The following KIF13A variants were observed in gnomAD, a reference collection of about 807,000 sequenced individuals.
KIF13A encodes the protein kinesin family member 13A.
In KIF13A, 79 loss-of-function variants were observed where a neutral mutation model predicts 212.2. That is an observed-to-expected ratio of 0.37 (90% CI 0.31 to 0.45). The LOEUF (loss-of-function observed/expected upper bound fraction) is 0.45, where lower values mean the gene tolerates loss of function less well. KIF13A is among the 20% of genes least tolerant of loss of function. The pLI is 1.00. For missense variants in KIF13A, 1,901 were observed against 2,209.0 expected (o/e 0.86, Z 2.79); for synonymous variants, 789 against 808.6 (o/e 0.98, Z 0.41).
At chr6:17,824,240 GC>G (rs1005914531) in intron 16 of KIF13A, among the ~76,000 whole-genome samples, 2 of 151,954 alleles carry the variant, frequency 1.3e-5, no homozygotes, top group African/African-American at 4.8e-5. Context: ...AAAAAAAGAG[GC>G]CCCCTAGGCA....
At chr6:17,870,121 A>C (rs1040683089) in intron 4 of KIF13A, among the ~76,000 whole-genome samples, 3 of 152,248 alleles carry the variant, frequency 2.0e-5, no homozygotes, top group Non-Finnish European at 2.9e-5. Context: ...AGAGAATAGT[A>C]AGCATGAATT....
intron 2 of KIF13A, among the ~76,000 whole-genome samples, chr6:17,970,054 C>T (rs1301195521): frequency 1.3e-5 from 2 of 151,936 alleles, no homozygotes; most frequent in Non-Finnish European, 2.9e-5. Context: ...CCGCAAGTAG[C>T]TGGGATTACA....
chr6:17,801,208 C>T (rs1262277790), intron 20 of KIF13A, among the ~76,000 whole-genome samples: 2 of 151,912 alleles, frequency 1.3e-5, no homozygotes, highest in Admixed American at 1.3e-4. Context: ...AACTCACTAA[C>T]AGGCCAGGCG....
intron 2 of KIF13A, among the ~76,000 whole-genome samples, chr6:17,981,607 A>G (rs1781097453): frequency 6.6e-6 from 1 of 151,662 alleles, no homozygotes; most frequent in Non-Finnish European, 1.5e-5. Flanking sequence ...GTATTTTAGT[A>G]GATATGGGGT....
intron 2 of KIF13A, among the ~76,000 whole-genome samples, chr6:17,907,597 G>C (rs184746019): frequency 6.6e-6 from 1 of 151,738 alleles, no homozygotes; most frequent in East Asian, 1.9e-4. Flanking sequence ...GGAGTTAGAA[G>C]GCTGCAAACG....
At chr6:17,977,036 A>G (rs374806638) in intron 2 of KIF13A, among the ~76,000 whole-genome samples, 81 of 150,414 alleles carry the variant, frequency 5.4e-4, no homozygotes, top group African/African-American at 1.9e-3. Flanking sequence ...CGGGAAGCAG[A>G]GCTTGCAGTG....
chr6:17,962,861 G>C (rs1312509666), intron 2 of KIF13A, among the ~76,000 whole-genome samples: 1 of 152,016 alleles, frequency 6.6e-6, no homozygotes, highest in Non-Finnish European at 1.5e-5. Flanking sequence ...AATTAGTTCT[G>C]GCTTATTAAT....
At chr6:17,904,114 G>GC in intron 2 of KIF13A, among the ~76,000 whole-genome samples, 1 of 151,630 alleles carries the variant, frequency 6.6e-6, no homozygotes, top group Admixed American at 6.6e-5. Context: ...CCATGATCGT[G>GC]CCACCGCACT....
Position 17,804,540 on chromosome 6 carries a change from C to T in KIF13A, c.2305-30G>A, listed in dbSNP as rs367728663. On this transcript the variant is annotated intron_variant, in intron 19 of 38. Coordinates refer to ENST00000259711, the MANE Select transcript of KIF13A (RefSeq NM_022113.6). ...GAAGTAGGAGGGGCCAGTGAGTGGA[C>T]GAATAAGAAACATAACATCAATTTA... is the stretch of plus-strand genomic sequence containing the variant. The T allele has an allele frequency of 2.8e-5, 42 of 1,515,922 alleles. No individual in the cohort carries two copies. The African/African-American group carries it at 5.4e-4, about 20-fold the overall frequency. 93.9% of individuals were successfully genotyped at this position (1,515,922 alleles called of 1,614,324 possible). A position where few individuals can be genotyped will look rare whatever the true frequency, so the allele number is the denominator to read the frequency against.
At chr6:17,925,190 G>A (rs979887941) in intron 2 of KIF13A, among the ~76,000 whole-genome samples, 7 of 152,332 alleles carry the variant, frequency 4.6e-5, no homozygotes, top group Non-Finnish European at 8.8e-5. Context: ...GCCTGGAGAC[G>A]AAGATGTTAG....
intron 3 of KIF13A, among the ~76,000 whole-genome samples, chr6:17,879,036 A>C (rs1180113182): frequency 6.6e-6 from 1 of 152,222 alleles, no homozygotes; most frequent in Non-Finnish European, 1.5e-5. Context: ...AAGAAAGCTG[A>C]AGTCCAGAAA....
Position 17,772,092 on chromosome 6 carries a change from T to A in KIF13A, c.4325-33A>T. The A allele has an allele frequency of 1.2e-6, 2 of 1,606,254 alleles. No homozygotes were observed. The highest frequency in any genetic ancestry group is 2.2e-5 in the South Asian group (2 of 90,834). On this transcript the variant is annotated intron_variant, in intron 36 of 38. Transcript: ENST00000259711. This position sits in a 1 kb window ranked among gnomAD's most constrained non-coding sequence, Gnocchi z 4.8. ...AGATGAGAAGTTATGAGGTTACAGA[T>A]GCTGAACACTTTAAGCAAAACATAG...
At chr6:17,875,974 G>A (rs1280439944) in intron 3 of KIF13A, among the ~76,000 whole-genome samples, 2 of 152,132 alleles carry the variant, frequency 1.3e-5, no homozygotes, top group African/African-American at 4.8e-5. Flanking sequence ...GTCTTCCAGA[G>A]ACTTTTCAGA....
In KIF13A at chr6:17,777,404, G is replaced by GATAA; in HGVS notation, c.4093-51_4093-50insTTAT. The GATAA allele has an allele frequency of 7.0e-7, 1 of 1,421,496 alleles. No individual in the cohort carries two copies. Among genetic ancestry groups the GATAA allele is most frequent in the South Asian group, 1.2e-5 (1 of 81,746 alleles). 88.1% of individuals were successfully genotyped at this position (1,421,496 alleles called of 1,614,324 possible). A position where few individuals can be genotyped will look rare whatever the true frequency, so the allele number is the denominator to read the frequency against. On this transcript the variant is annotated intron_variant, in intron 33 of 38. Transcript: ENST00000259711. This position sits in a 1 kb window ranked among gnomAD's most constrained non-coding sequence, Gnocchi z 4.4. Reference sequence around the variant, plus strand: ...AACACTTTTTTTTTTTTTCCCCAGAGACAGAGTCTCACTCTGTTGCCCAGG... The same window carrying GATAA: ...AACACTTTTTTTTTTTTTCCCCAGAGATAAACAGAGTCTCACTCTGTTGCCCAGG...
intron 2 of KIF13A, among the ~76,000 whole-genome samples, chr6:17,913,077 G>A (rs1209864132): frequency 6.6e-6 from 1 of 151,358 alleles, no homozygotes; most frequent in African/African-American, 2.4e-5. Context: ...GTGAAACAGT[G>A]CTCAGCCAAA....
At chr6:17,890,049 G>A (rs1445434613) in intron 3 of KIF13A, among the ~76,000 whole-genome samples, 3 of 151,934 alleles carry the variant, frequency 2.0e-5, no homozygotes, top group Admixed American at 6.6e-5. Context: ...TTAGCCAGGC[G>A]TGGTGACACA....
chr6:17,962,599 G>A (rs1323377420), intron 2 of KIF13A, among the ~76,000 whole-genome samples: 1 of 152,150 alleles, frequency 6.6e-6, no homozygotes, highest in Non-Finnish European at 1.5e-5. Flanking sequence ...CCTGCCCTCA[G>A]GAACAGCTGA....
chr6:17,814,695 C>G (rs1027223139), intron 17 of KIF13A, among the ~76,000 whole-genome samples: 2 of 152,102 alleles, frequency 1.3e-5, no homozygotes, highest in African/African-American at 4.8e-5. Flanking sequence ...ACCTATAAGA[C>G]AGGGATAATA....
intron 2 of KIF13A, among the ~76,000 whole-genome samples, chr6:17,913,722 C>T (rs1329768548): frequency 1.3e-5 from 2 of 152,012 alleles, no homozygotes; most frequent in African/African-American, 2.4e-5. Flanking sequence ...GTCAATCCAC[C>T]GAGGGGGGAT....
Sources: gnomAD v4.1 joint callset for allele counts (sites outside exome capture counted in the v4.1 genomes callset) on GRCh38, gnomAD v4.1.1 for gene constraint, Gnocchi (gnomAD v3.1) non-coding constraint, MANE v1.5 for transcripts, NCBI Gene and HGNC (gene_info 2026-07-23, HGNC 2026-07-21) for gene names.